Variants in TGFBR3 observed in about 807,000 individuals in gnomAD.
TGFBR3 encodes the protein transforming growth factor beta receptor 3, also known as transforming growth factor beta receptor type 3.
A neutral mutation model predicts 87.9 loss-of-function variants in TGFBR3; 46 were observed. The observed-to-expected ratio is 0.52, with a 90% CI of 0.41 to 0.67. TGFBR3 has a LOEUF of 0.67. TGFBR3 is among the 30% of genes least tolerant of loss of function. The probability of loss-of-function intolerance (pLI) is 0.00; values close to 1 mark genes in which losing one functional copy is unlikely to be tolerated. For missense variants in TGFBR3, 866 were observed against 1,041.9 expected, an observed-to-expected ratio of 0.83 and a Z score of 2.32; for synonymous variants, 381 against 391.6, an observed-to-expected ratio of 0.97 and a Z score of 0.32.
At chr1:91,771,598 C>A (rs548430491) in intron 3 of TGFBR3, among the ~76,000 whole-genome samples, 1 of 150,492 alleles carries the variant, frequency 6.6e-6, no homozygotes, top group African/African-American at 2.4e-5. Flanking sequence ...CCCAGCTACT[C>A]AGGAGGCTGA....
chr1:91,721,845 A>G (rs1316188332), intron 8 of TGFBR3, 110 bp downstream of exon 8: 2 of 1,027,046 alleles, frequency 1.9e-6, no homozygotes, highest in Admixed American at 5.4e-5. Context: ...TCAAATTATT[A>G]AAATGTACAA....
chr1:91,734,992 T>C, intron 4 of TGFBR3, 33 bp from the exon 5 acceptor site: 1 of 1,612,114 alleles, frequency 6.2e-7, no homozygotes. Flanking sequence ...TTTAACATGG[T>C]GCAGTCACCG....
At chr1:91,847,325 C>T (rs1677539674) in intron 2 of TGFBR3, among the ~76,000 whole-genome samples, 1 of 151,842 alleles carries the variant, frequency 6.6e-6, no homozygotes, top group South Asian at 2.1e-4. Flanking sequence ...AAAGTAGGGC[C>T]GGGCGCGGTG....
At chr1:91,733,463 C>T (rs1326292015) in intron 5 of TGFBR3, among the ~76,000 whole-genome samples, 5 of 152,194 alleles carry the variant, frequency 3.3e-5, no homozygotes, top group Admixed American at 6.5e-5. Flanking sequence ...TCCTCTCCGA[C>T]GTCCACGTCC....
At chr1:91,794,253 G>A (rs1396637700) in intron 3 of TGFBR3, among the ~76,000 whole-genome samples, 1 of 151,820 alleles carries the variant, frequency 6.6e-6, no homozygotes, top group East Asian at 1.9e-4. Flanking sequence ...GCTCAGGCTG[G>A]AGTGCAGCAG....
At chr1:91,810,609 T>C (rs373149470) in intron 2 of TGFBR3, among the ~76,000 whole-genome samples, 2 of 152,212 alleles carry the variant, frequency 1.3e-5, no homozygotes, top group African/African-American at 4.8e-5. Context: ...TGTTGAGTGA[T>C]GAATTCATGT....
At chr1:91,893,431 G>A (rs999025247) in intron 2 of TGFBR3, among the ~76,000 whole-genome samples, 12 of 151,956 alleles carry the variant, frequency 7.9e-5, no homozygotes, top group Admixed American at 3.3e-4. Flanking sequence ...TTACAGGCAC[G>A]TACCACCATG....
intron 3 of TGFBR3, among the ~76,000 whole-genome samples, chr1:91,764,967 G>A (rs1674121124): frequency 1.3e-5 from 2 of 152,078 alleles, no homozygotes; most frequent in South Asian, 4.2e-4. Flanking sequence ...TCCAACCCAC[G>A]GCCACATGCT....
chr1:91,889,183 C>T (rs1162146692), upstream of TGFBR3, among the ~76,000 whole-genome samples: 1 of 152,156 alleles, frequency 6.6e-6, no homozygotes, highest in Non-Finnish European at 1.5e-5. Context: ...CTGCGCCTGG[C>T]CATGGGTACT....
chr1:91,806,509 G>C (rs1206796947), intron 2 of TGFBR3, among the ~76,000 whole-genome samples: 1 of 152,020 alleles, frequency 6.6e-6, no homozygotes, highest in African/African-American at 2.4e-5. Flanking sequence ...GACATAGTAA[G>C]TAATTTTCAC....
intron 2 of TGFBR3, among the ~76,000 whole-genome samples, chr1:91,840,899 C>T (rs1482202427): frequency 6.6e-6 from 1 of 152,114 alleles, no homozygotes; most frequent in African/African-American, 2.4e-5. Flanking sequence ...CAACCTCCAC[C>T]TCCAGGGTTC....
intron 1 of TGFBR3, among the ~76,000 whole-genome samples, chr1:91,874,737 C>G (rs1678717749): frequency 6.6e-6 from 1 of 152,094 alleles, no homozygotes; most frequent in Non-Finnish European, 1.5e-5. Flanking sequence ...TTGTGATCCG[C>G]CTGCCTCAGC....
rs757760206 is a variant in TGFBR3 at position 91,683,697 on chromosome 1, A to AGCTGG, written c.*37_*41dup. 7.7e-5 allele frequency: 114 copies of AGCTGG among 1,478,470 alleles called. 2 individuals carry two copies. The South Asian group carries it at 8.4e-4, about 11-fold the overall frequency. 91.6% of individuals were successfully genotyped at this position (1,478,470 alleles called of 1,614,324 possible). On this transcript the variant is annotated 3_prime_UTR_variant, in exon 17 of 17. Transcript: ENST00000212355. ...CCTGCCCTTGGCAGTAGCTGAGCTG[A>AGCTGG]GCTGGGCTGGGCTGGGTTGGGCCGG...
chr1:91,785,829 G>A (rs372132125), intron 3 of TGFBR3, among the ~76,000 whole-genome samples: 39 of 150,414 alleles, frequency 2.6e-4, no homozygotes, highest in African/African-American at 7.1e-4. Flanking sequence ...GTGCAGTGGC[G>A]CGATCGTGGT....
rs141883791 is a variant in TGFBR3 at position 91,695,750 on chromosome 1, C to T, written c.2359G>A (p.Val787Met). The change falls in exon 16 of 17, where the codon GTG becomes ATG. Residue 787 changes from valine (V) to methionine (M), a missense_variant. Physicochemically the swap from Val to Met is conservative, Grantham distance 21. Transcript: ENST00000212355. ...PIFHGLDTLTVMGIAFAAFVI... is the reference protein window; with the variant it reads ...PIFHGLDTLTMMGIAFAAFVI... ...AAGGCTGCAAACGCAATGCCCATCA[C>T]GGTTAGGGTGTCCAGACCATGGAAA... 99 of 1,614,106 alleles carry T rather than the reference C, an allele frequency of 6.1e-5. No homozygotes were observed. In the East Asian group the frequency reaches 1.4e-3, roughly 22 times the overall value.
intron 2 of TGFBR3, among the ~76,000 whole-genome samples, chr1:91,801,271 G>A (rs1416835261): frequency 6.6e-6 from 1 of 152,158 alleles, no homozygotes; most frequent in Non-Finnish European, 1.5e-5. Flanking sequence ...GTCACCCAAA[G>A]CTTCAGACTT....
In TGFBR3 at chr1:91,797,332, C is replaced by A. The variant is rs779598675; in HGVS notation, c.201G>T (p.Leu67=). Residue 67 remains leucine (L), a synonymous_variant, in exon 3 of 17, where the codon CTG becomes CTT. Transcript: ENST00000212355. ...TTGLPQEVHV[L]NLRTAGQGPG... is the part of the protein sequence containing the mutation. ...GCCCCTGGCCTGCAGTGCGGAGATTCAGGACATGCACCTCCTGTGGCAGCC... is the reference window on the plus strand; with the variant it reads ...GCCCCTGGCCTGCAGTGCGGAGATTAAGGACATGCACCTCCTGTGGCAGCC... The A allele has an allele frequency of 2.4e-5, 39 of 1,614,096 alleles. No individual in the cohort carries two copies. Among genetic ancestry groups the A allele is most frequent in the Non-Finnish European group, 3.3e-5 (39 of 1,180,046 alleles).
intron 2 of TGFBR3, among the ~76,000 whole-genome samples, chr1:91,800,265 C>G (rs1675558691): frequency 6.8e-6 from 1 of 147,034 alleles, no homozygotes; most frequent in South Asian, 2.2e-4. Flanking sequence ...TACACACACA[C>G]ACACACACAC....
intron 4 of TGFBR3, among the ~76,000 whole-genome samples, chr1:91,753,203 T>C (rs12406783): frequency 0.052 from 7,768 of 150,688 alleles, 260 homozygotes; most frequent in Middle Eastern, 0.12. Flanking sequence ...CTGGACAATA[T>C]GGCAAAACCC....
Sources: allele counts gnomAD v4.1 joint callset (sites outside exome capture counted in the v4.1 genomes callset), GRCh38; gene constraint gnomAD v4.1.1; transcripts MANE v1.5; gene names NCBI Gene and HGNC (gene_info 2026-07-23, HGNC 2026-07-21).